The following COL21A1 variants were observed in gnomAD, a reference collection of about 807,000 sequenced individuals.
The protein encoded by COL21A1 is collagen alpha-1(XXI) chain.
In COL21A1, 149 loss-of-function variants were observed where a neutral mutation model predicts 137.9. The ratio of observed to expected loss-of-function variants is 1.08; its 90% CI spans 0.95 to 1.24. The LOEUF is 1.24. COL21A1 is among the 50% of genes most tolerant of loss of function. The pLI, the probability that COL21A1 is intolerant of heterozygous loss-of-function variation, is 0.00. For synonymous variants in COL21A1, 456 were observed against 391.5 expected, an observed-to-expected ratio of 1.16 and a Z score of -1.95; for missense variants, 1,167 against 1,158.4, an observed-to-expected ratio of 1.01 and a Z score of -0.11.
chr6:56,330,416 A>G (rs1400829889), intron 1 of COL21A1, among the ~76,000 whole-genome samples: 1 of 151,938 alleles, frequency 6.6e-6, no homozygotes, highest in Non-Finnish European at 1.5e-5. Flanking sequence ...GATAGCAATT[A>G]CTCCTTTATT....
chr6:56,195,510 GAA>G (rs538987210), intron 1 of COL21A1, among the ~76,000 whole-genome samples: 2 of 150,476 alleles, frequency 1.3e-5, no homozygotes, highest in Admixed American at 6.6e-5. Flanking sequence ...AGAATACTAA[GAA>G]AAAAAAGAGA....
At chr6:56,145,968 G>A (rs529249986) in intron 10 of COL21A1, among the ~76,000 whole-genome samples, 2 of 151,970 alleles carry the variant, frequency 1.3e-5, no homozygotes, top group Admixed American at 6.6e-5. Context: ...AAAGCTTCAG[G>A]AAATATGTAT....
chr6:56,286,113 G>T (rs1763906646), intron 1 of COL21A1, among the ~76,000 whole-genome samples: 1 of 152,120 alleles, frequency 6.6e-6, no homozygotes, highest in African/African-American at 2.4e-5. Context: ...AACCATCTTA[G>T]TGTTTGGGCT....
chr6:56,128,618 G>C (rs1002936408), intron 12 of COL21A1, among the ~76,000 whole-genome samples: 1 of 152,108 alleles, frequency 6.6e-6, no homozygotes, highest in Non-Finnish European at 1.5e-5. Flanking sequence ...GAAGGAGGTC[G>C]CCACATGAGT....
intron 1 of COL21A1, among the ~76,000 whole-genome samples, chr6:56,337,515 C>G (rs993398569): frequency 6.6e-6 from 1 of 152,212 alleles, no homozygotes; most frequent in African/African-American, 2.4e-5. Context: ...ACCACCAATC[C>G]AGGTTTCTGG....
chr6:56,065,518 T>G (rs1766164283), intron 23 of COL21A1, among the ~76,000 whole-genome samples: 1 of 151,928 alleles, frequency 6.6e-6, no homozygotes, highest in African/African-American at 2.4e-5. Flanking sequence ...TAATTAAACA[T>G]CTGGGTTGGA....
At position 56,180,113 on chromosome 6, in the gene COL21A1, C is replaced by T. The variant is rs375243994; in HGVS notation, c.105G>A (p.Pro35=). 6.2e-4 allele frequency: 1,004 copies of T among 1,610,192 alleles called. 11 individuals are homozygous for T. The South Asian group carries it at 9.0e-3, about 14-fold the overall frequency. Residue 35 remains proline (P), a synonymous_variant, in exon 3 of 30, where the codon CCG becomes CCA. Coordinates refer to ENST00000244728, the MANE Select transcript of COL21A1 (RefSeq NM_030820.4). ...GEVRSSCRTA[P]TDLVFILDGS... ...CATCTAAGATGAAAACTAAATCTGT[C>T]GGAGCAGTACGACAACCTAAGTGCA...
At chr6:56,102,128 A>G (rs1770515175) in intron 16 of COL21A1, among the ~76,000 whole-genome samples, 3 of 152,192 alleles carry the variant, frequency 2.0e-5, no homozygotes, top group African/African-American at 7.2e-5. Context: ...TTTTACATCT[A>G]CGTTTTGGAA....
intron 1 of COL21A1, among the ~76,000 whole-genome samples, chr6:56,389,198 C>T (rs1051324019): frequency 3.3e-5 from 5 of 151,916 alleles, no homozygotes; most frequent in Non-Finnish European, 4.4e-5. Context: ...CCCATCTCTA[C>T]TAAATATACA....
At chr6:56,364,228 A>T (rs1433021894) in intron 1 of COL21A1, among the ~76,000 whole-genome samples, 1 of 152,130 alleles carries the variant, frequency 6.6e-6, no homozygotes, top group Non-Finnish European at 1.5e-5. Context: ...CCATCGAGAC[A>T]GTACTAATGG....
intron 1 of COL21A1, among the ~76,000 whole-genome samples, chr6:56,243,961 T>C (rs947608116): frequency 1.3e-5 from 2 of 152,184 alleles, no homozygotes; most frequent in African/African-American, 4.8e-5. Context: ...GAATTACTAT[T>C]GCATGCTGAG....
chr6:56,098,448 T>TAA (rs1489110171), intron 17 of COL21A1, among the ~76,000 whole-genome samples: 3 of 4,404 alleles, frequency 6.8e-4, no homozygotes, highest in African/African-American at 1.5e-3. Context: ...TAAATATATA[T>TAA]ATATATATAA....
chr6:56,211,942 C>G (rs10081146), intron 1 of COL21A1, among the ~76,000 whole-genome samples: 1 of 151,748 alleles, frequency 6.6e-6, no homozygotes, highest in African/African-American at 2.4e-5. Context: ...TTTTTCTAAC[C>G]AAGTTTGATG....
intron 1 of COL21A1, among the ~76,000 whole-genome samples, chr6:56,310,629 T>G (rs1240947283): frequency 2.6e-5 from 4 of 152,192 alleles, no homozygotes; most frequent in African/African-American, 9.7e-5. Flanking sequence ...TTAAATCTCT[T>G]TTTATTTTTA....
At chr6:56,276,656 C>G (rs1763663625) in intron 1 of COL21A1, 1 of 1,446,012 alleles carries the variant, frequency 6.9e-7, no homozygotes, top group South Asian at 1.1e-5. Context: ...ACACGTGTCA[C>G]TTTCAAAAGT....
chr6:56,201,015 A>G (rs1424244553), intron 1 of COL21A1, among the ~76,000 whole-genome samples: 2 of 152,066 alleles, frequency 1.3e-5, no homozygotes, highest in Non-Finnish European at 2.9e-5. Flanking sequence ...GTGAGATGGT[A>G]TCTCATTGTG....
chr6:56,228,526 A>G (rs1781351782), intron 1 of COL21A1, among the ~76,000 whole-genome samples: 1 of 150,820 alleles, frequency 6.6e-6, no homozygotes, highest in East Asian at 2.0e-4. Flanking sequence ...AATATAAAGC[A>G]TCTTAGTTTT....
chr6:56,303,624 AT>A (rs986844246), intron 1 of COL21A1, among the ~76,000 whole-genome samples: 1 of 152,090 alleles, frequency 6.6e-6, no homozygotes, highest in Admixed American at 6.6e-5. Flanking sequence ...GCTTAAGGAG[AT>A]TTGGGGCTGA....
At chr6:56,189,207 G>A (rs1368949257) in intron 1 of COL21A1, among the ~76,000 whole-genome samples, 4 of 152,030 alleles carry the variant, frequency 2.6e-5, no homozygotes, top group Admixed American at 2.0e-4. Flanking sequence ...ATGTAAGGAA[G>A]CTAAGAACCT....
Sources: allele counts gnomAD v4.1 joint callset (sites outside exome capture counted in the v4.1 genomes callset), GRCh38; gene constraint gnomAD v4.1.1; transcripts MANE v1.5; gene names NCBI Gene and HGNC (gene_info 2026-07-23, HGNC 2026-07-21).